Variants in NRXN1 observed in about 807,000 individuals in gnomAD.
NRXN1 encodes the protein neurexin 1.
NRXN1 carries 39 observed loss-of-function variants against 150.9 expected under a neutral mutation model. That is an observed-to-expected ratio of 0.26 (90% CI 0.20 to 0.34). The LOEUF (loss-of-function observed/expected upper bound fraction) is 0.34. NRXN1 is among the 10% of genes least tolerant of loss of function. The pLI, the probability that NRXN1 is intolerant of heterozygous loss-of-function variation, is 1.00. For missense variants in NRXN1, 1,815 were observed against 1,949.9 expected, an observed-to-expected ratio of 0.93 and a Z score of 1.30; for synonymous variants, 924 against 757.0, an observed-to-expected ratio of 1.22 and a Z score of -3.62.
intron 18 of NRXN1, among the ~76,000 whole-genome samples, chr2:50,184,818 T>C (rs1311688730): frequency 6.6e-6 from 1 of 152,036 alleles, no homozygotes; most frequent in Non-Finnish European, 1.5e-5. Context: ...GACCCTATAA[T>C]GTAGGCACAC....
intron 5 of NRXN1, among the ~76,000 whole-genome samples, chr2:50,757,245 A>G (rs1488420501): frequency 1.3e-5 from 2 of 151,796 alleles, no homozygotes; most frequent in Non-Finnish European, 2.9e-5. Context: ...TGGTTATAGA[A>G]CCAGTCAGTA....
At chr2:50,427,845 T>C (rs776588433) in intron 17 of NRXN1, among the ~76,000 whole-genome samples, 16 of 152,190 alleles carry the variant, frequency 1.1e-4, no homozygotes, top group Non-Finnish European at 1.6e-4. Flanking sequence ...TTATATTTTG[T>C]CTTCTGCCAT....
chr2:50,901,731 C>A (rs1682982215), intron 5 of NRXN1, among the ~76,000 whole-genome samples: 1 of 151,972 alleles, frequency 6.6e-6, no homozygotes, highest in Non-Finnish European at 1.5e-5. Flanking sequence ...GTGATTTGAC[C>A]AGTAGGTAAT....
chr2:50,101,285 C>A (rs1437725541), intron 18 of NRXN1, among the ~76,000 whole-genome samples: 1 of 151,914 alleles, frequency 6.6e-6, no homozygotes, highest in Admixed American at 6.6e-5. Context: ...GTCTTTGGAC[C>A]ATTGCACTCT....
intron 17 of NRXN1, among the ~76,000 whole-genome samples, chr2:50,244,535 T>A (rs898416024): frequency 5.3e-5 from 8 of 151,914 alleles, no homozygotes; most frequent in Non-Finnish European, 1.5e-5. Flanking sequence ...CCTTCCTATC[T>A]CTTGATTTGC....
At chr2:50,797,656 G>A (rs1707030444) in intron 5 of NRXN1, among the ~76,000 whole-genome samples, 1 of 152,024 alleles carries the variant, frequency 6.6e-6, no homozygotes, top group Admixed American at 6.6e-5. Context: ...CCATAACCAG[G>A]GTTTAGAAAT....
intron 10 of NRXN1, among the ~76,000 whole-genome samples, chr2:50,537,789 T>A (rs1558900683): frequency 2.0e-5 from 3 of 152,218 alleles, no homozygotes; most frequent in Admixed American, 1.3e-4. Context: ...TGAAGTGAAA[T>A]GAGCAGGCTA....
intron 5 of NRXN1, among the ~76,000 whole-genome samples, chr2:50,656,908 T>C (rs1686559308): frequency 6.6e-6 from 1 of 151,950 alleles, no homozygotes; most frequent in African/African-American, 2.4e-5. Context: ...CCTTGGAAAA[T>C]AAAATTAAAT....
intron 19 of NRXN1, among the ~76,000 whole-genome samples, chr2:50,060,602 T>G (rs983417792): frequency 1.3e-5 from 2 of 152,116 alleles, no homozygotes; most frequent in Non-Finnish European, 2.9e-5. Flanking sequence ...CCAAATCTCA[T>G]CTTGAATTCT....
rs201031680 is a variant in NRXN1, at chr2:51,028,055, C to T, written c.219G>A (p.Glu73=). 42 of 1,598,254 alleles carry T rather than the reference C, an allele frequency of 2.6e-5. No homozygotes were observed. In the Admixed American group the frequency reaches 2.8e-4, roughly 11 times the overall value. Residue 73 remains glutamate (E), a synonymous_variant, in exon 2 of 23, where the codon GAG becomes GAA. Transcript: ENST00000401669. Reference sequence around the variant, plus strand: ...TCAGCTCCAGGAAGTCGCAGAAGCCCTCGTCGTCGAAGTAGAGCACGAGGC... The same window carrying T: ...TCAGCTCCAGGAAGTCGCAGAAGCCTTCGTCGTCGAAGTAGAGCACGAGGC... ...ARGLVLYFDD[E]GFCDFLELIL...
intron 21 of NRXN1, among the ~76,000 whole-genome samples, chr2:49,960,135 A>C (rs1675674251): frequency 6.6e-6 from 1 of 152,154 alleles, no homozygotes; most frequent in African/African-American, 2.4e-5. Flanking sequence ...TGGAAATTTT[A>C]AGTATGTTGC....
At chr2:50,820,842 A>C (rs1669622970) in intron 5 of NRXN1, among the ~76,000 whole-genome samples, 1 of 152,154 alleles carries the variant, frequency 6.6e-6, no homozygotes. Flanking sequence ...CTAAATAAAC[A>C]AACCAAATGG....
At chr2:50,373,299 T>G (rs978346896) in intron 17 of NRXN1, among the ~76,000 whole-genome samples, 2 of 141,852 alleles carry the variant, frequency 1.4e-5, no homozygotes, top group African/African-American at 5.4e-5. Context: ...TATTTTTTAT[T>G]ATTATTATTA....
At chr2:50,119,367 T>C (rs949370375) in intron 18 of NRXN1, among the ~76,000 whole-genome samples, 3 of 152,184 alleles carry the variant, frequency 2.0e-5, no homozygotes, top group African/African-American at 7.2e-5. Context: ...GGGTCTTTTT[T>C]ATTTGGAAAA....
intron 18 of NRXN1, among the ~76,000 whole-genome samples, chr2:50,229,052 T>C (rs1715972): frequency 0.44 from 67,334 of 151,804 alleles, 15,271 homozygotes; most frequent in African/African-American, 0.51. Flanking sequence ...AAAAATTATG[T>C]CTAGTCCTCC....
At chr2:50,828,253 C>A (rs576602988) in intron 5 of NRXN1, among the ~76,000 whole-genome samples, 1 of 147,300 alleles carries the variant, frequency 6.8e-6, no homozygotes, top group East Asian at 2.2e-4. Flanking sequence ...CCGGACGGGG[C>A]GGCTGGCCGG....
At chr2:50,096,165 A>C (rs7570586) in intron 18 of NRXN1, among the ~76,000 whole-genome samples, 6,808 of 152,222 alleles carry the variant, frequency 0.045, 506 homozygotes, top group African/African-American at 0.15. Flanking sequence ...ACCCTAATTC[A>C]GACATTATCT....
At chr2:50,901,568 A>T (rs939677423) in intron 5 of NRXN1, among the ~76,000 whole-genome samples, 4 of 152,110 alleles carry the variant, frequency 2.6e-5, no homozygotes, top group Admixed American at 2.0e-4. Context: ...AAGATGAGAA[A>T]ACATTAATTA....
chr2:50,845,539 G>T (rs970676932), intron 5 of NRXN1, among the ~76,000 whole-genome samples: 1 of 152,100 alleles, frequency 6.6e-6, no homozygotes, highest in Non-Finnish European at 1.5e-5. Context: ...TCTGAAATTA[G>T]CCTGTTCATT....
Sources: gnomAD v4.1 joint callset for allele counts (sites outside exome capture counted in the v4.1 genomes callset) on GRCh38, gnomAD v4.1.1 for gene constraint, MANE v1.5 for transcripts, NCBI Gene and HGNC (gene_info 2026-07-23, HGNC 2026-07-21) for gene names.